The following SLC25A17 variants were observed in gnomAD, a reference collection of about 807,000 sequenced individuals.
The protein encoded by SLC25A17 is solute carrier family 25 member 17.
Under a neutral mutation model 38.5 loss-of-function variants are expected in SLC25A17, and 26 were observed. That is an observed-to-expected ratio of 0.68 (90% CI 0.50 to 0.94). The LOEUF (loss-of-function observed/expected upper bound fraction) is 0.94. Ranked by LOEUF, SLC25A17 falls within the 40% of genes least tolerant of loss-of-function variation. The probability of loss-of-function intolerance (pLI) is 0.00; values close to 1 mark genes in which losing one functional copy is unlikely to be tolerated. For synonymous variants in SLC25A17, 139 were observed against 136.2 expected (o/e 1.02, Z -0.14); for missense variants, 333 against 372.7 (o/e 0.89, Z 0.88).
intron 5 of SLC25A17, 52 bp downstream of exon 5, chr22:40,778,957 T>C (rs1569400469): frequency 2.1e-6 from 3 of 1,459,630 alleles, no homozygotes; most frequent in South Asian, 1.1e-5. Flanking sequence ...ATATTCCAGA[T>C]ACAAAGAAGG....
At position 40,789,586 on chromosome 22, in the gene SLC25A17, AACCT is replaced by A. The variant is rs1189291493; in HGVS notation, c.334+2935_334+2938del. Among the ~76,000 whole-genome samples, 23 of 150,926 alleles carry A rather than the reference AACCT, an allele frequency of 1.5e-4. No homozygotes were observed. The East Asian group carries it at 2.6e-3, about 17-fold the overall frequency. ...CAGTGGCATGATCTTGGCTCACTGC[AACCT>A]CTGCCTGCCAGGTTCAAACAATTCT... On this transcript the variant is annotated intron_variant, in intron 4 of 8. Coordinates refer to ENST00000435456, the MANE Select transcript of SLC25A17 (RefSeq NM_006358.4). This position sits in a 1 kb window ranked among gnomAD's most constrained non-coding sequence, Gnocchi z 4.5.
intron 7 of SLC25A17, among the ~76,000 whole-genome samples, chr22:40,775,996 G>T (rs969069532): frequency 6.6e-5 from 10 of 152,134 alleles, no homozygotes; most frequent in African/African-American, 2.2e-4. Context: ...CCCCTGCCTG[G>T]AATGCACTTT....
intron 5 of SLC25A17, 30 bp from the exon 6 acceptor site, chr22:40,777,403 G>C: frequency 6.3e-7 from 1 of 1,599,556 alleles, no homozygotes; most frequent in East Asian, 2.2e-5. Context: ...CTTTTGAAAA[G>C]CATGATCACA....
intron 2 of SLC25A17, among the ~76,000 whole-genome samples, chr22:40,798,573 C>T (rs1189726806): frequency 1.4e-5 from 2 of 146,890 alleles, no homozygotes; most frequent in Non-Finnish European, 3.0e-5. Flanking sequence ...TTCTGGGATA[C>T]AGTTTCAGCT....
intron 7 of SLC25A17, among the ~76,000 whole-genome samples, chr22:40,776,775 G>A (rs2057247656): frequency 6.6e-6 from 1 of 152,064 alleles, no homozygotes; most frequent in Non-Finnish European, 1.5e-5. Flanking sequence ...GGTGTATGTA[G>A]TCTCAGCTAC....
At chr22:40,771,842 T>G (rs1458805421) in intron 8 of SLC25A17, among the ~76,000 whole-genome samples, 1 of 152,088 alleles carries the variant, frequency 6.6e-6, no homozygotes, top group African/African-American at 2.4e-5. Context: ...CATTTAAAAA[T>G]AACTAAAAGA....
chr22:40,786,107 T>G (rs1023309639), intron 4 of SLC25A17, among the ~76,000 whole-genome samples: 1 of 152,134 alleles, frequency 6.6e-6, no homozygotes, highest in African/African-American at 2.4e-5. Context: ...AGTCAGGAGT[T>G]TGAGACCAGC....
Position 40,819,325 on chromosome 22 carries a change from G to C in SLC25A17, c.-77C>G, listed in dbSNP as rs1325714440. On this transcript the variant is annotated 5_prime_UTR_variant, in exon 1 of 9. Transcript: ENST00000435456. ...CAGTGGAGTTAGGAAAGGAGCACCGGAGCTCAGGGTGTGAGAGTCGCAATC... is the reference window on the plus strand; with the variant it reads ...CAGTGGAGTTAGGAAAGGAGCACCGCAGCTCAGGGTGTGAGAGTCGCAATC... 16 of 1,526,946 alleles carry C rather than the reference G, an allele frequency of 1.0e-5. No homozygotes were observed. The East Asian group carries it at 3.8e-4, about 36-fold the overall frequency. 94.6% of individuals were successfully genotyped at this position (1,526,946 alleles called of 1,614,324 possible).
intron 1 of SLC25A17, among the ~76,000 whole-genome samples, chr22:40,800,624 T>C (rs192347855): frequency 3.3e-5 from 5 of 152,168 alleles, no homozygotes; most frequent in Non-Finnish European, 5.9e-5. Context: ...CTCAAACTCC[T>C]GGCCTCAAGT....
intron 1 of SLC25A17, among the ~76,000 whole-genome samples, chr22:40,812,101 C>T (rs1247101297): frequency 3.3e-5 from 5 of 151,654 alleles, no homozygotes; most frequent in Admixed American, 2.0e-4. Flanking sequence ...CACTACATTG[C>T]CCAGGCTGGT....
At chr22:40,791,650 C>T (rs2057386003) in intron 4 of SLC25A17, among the ~76,000 whole-genome samples, 1 of 152,130 alleles carries the variant, frequency 6.6e-6, no homozygotes, top group African/African-American at 2.4e-5. Flanking sequence ...TGATGTTCAG[C>T]ATCACTAATC....
intron 2 of SLC25A17, among the ~76,000 whole-genome samples, chr22:40,796,146 T>A (rs2057427576): frequency 6.6e-6 from 1 of 152,192 alleles, no homozygotes; most frequent in Non-Finnish European, 1.5e-5. Flanking sequence ...ATCTAAAAAA[T>A]AAAGTCTCAA....
In SLC25A17 at chr22:40,769,641, G is replaced by A. The variant is rs1369841644; in HGVS notation, c.*1193C>T. 1.3e-5 allele frequency: 2 copies of A among 152,160 alleles called. No individual in the cohort carries two copies. The highest frequency in any genetic ancestry group is 6.5e-5 in the Admixed American group (1 of 15,272). 9.4% of individuals were successfully genotyped at this position (152,160 alleles called of 1,614,324 possible). ...ACATACGACTCCTAGATTTTTCAGA[G>A]GTTGTTTTAATACATTAATCTCTTT... On this transcript the variant is annotated 3_prime_UTR_variant, in exon 9 of 9. Coordinates refer to ENST00000435456, the MANE Select transcript of SLC25A17 (RefSeq NM_006358.4).
At position 40,808,600 on chromosome 22, in the gene SLC25A17, G is replaced by A. The variant is rs138319226; in HGVS notation, c.55-9517C>T. On this transcript the variant is annotated intron_variant, in intron 1 of 8. Transcript: ENST00000435456. ...TTAAGAATGATTATATGGGAAGGGA[G>A]GGAATTAAGAGTGGTTTCCATTTCT... 4.5e-3 allele frequency among the ~76,000 whole-genome samples: 685 copies of A among 152,346 alleles called. 5 individuals are homozygous for A. The highest frequency in any genetic ancestry group is 0.015 in the African/African-American group (615 of 41,578).
chr22:40,796,573 T>C (rs879894145), intron 2 of SLC25A17, among the ~76,000 whole-genome samples: 14 of 151,682 alleles, frequency 9.2e-5, no homozygotes, highest in Middle Eastern at 3.4e-3. Context: ...CAGGCCGAGA[T>C]TGTGCCACTG....
chr22:40,807,174 C>T (rs2057537705), intron 1 of SLC25A17, among the ~76,000 whole-genome samples: 2 of 152,150 alleles, frequency 1.3e-5, no homozygotes, highest in Non-Finnish European at 2.9e-5. Flanking sequence ...GGTGGTTATA[C>T]AACATTGTGA....
In SLC25A17 at chr22:40,799,038, T is replaced by G. The variant is rs999770552; in HGVS notation, c.100A>C (p.Arg34=). 2 of 1,612,930 alleles carry G rather than the reference T, an allele frequency of 1.2e-6. No individual in the cohort carries two copies. Among genetic ancestry groups the G allele is most frequent in the Non-Finnish European group, 1.7e-6 (2 of 1,178,994 alleles). ...MTVFFPLDTA[R]LRLQVDEKRK... Reference sequence around the variant, plus strand: ...TTCTACTTACCCTGAAGTCGAAGTCTAGCTGTATCCAGGGGAAAAAACACT... The same window carrying G: ...TTCTACTTACCCTGAAGTCGAAGTCGAGCTGTATCCAGGGGAAAAAACACT... Residue 34 remains arginine, a synonymous_variant, in exon 2 of 9, where the codon AGA becomes CGA. Transcript: ENST00000435456.
chr22:40,785,203 G>C (rs1180901455), intron 4 of SLC25A17, among the ~76,000 whole-genome samples: 3 of 152,204 alleles, frequency 2.0e-5, no homozygotes, highest in African/African-American at 7.2e-5. Flanking sequence ...GGCCAACAGA[G>C]TGAAACCCCG....
intron 2 of SLC25A17, chr22:40,797,237 G>A (rs1569408458): frequency 1.1e-6 from 1 of 870,180 alleles, no homozygotes. Context: ...AAAAATAGTA[G>A]GCATAAAGGG....
Sources: gnomAD v4.1 joint callset for allele counts (sites outside exome capture counted in the v4.1 genomes callset) on GRCh38, gnomAD v4.1.1 for gene constraint, Gnocchi (gnomAD v3.1) non-coding constraint, MANE v1.5 for transcripts, NCBI Gene and HGNC (gene_info 2026-07-23, HGNC 2026-07-21) for gene names.